The following LRP1B variants were observed in gnomAD, a reference collection of about 807,000 sequenced individuals.
The protein encoded by LRP1B is low-density lipoprotein receptor-related protein 1B.
A neutral mutation model predicts 556.6 loss-of-function variants in LRP1B; 217 were observed. The ratio of observed to expected loss-of-function variants is 0.39; its 90% CI spans 0.35 to 0.44. LRP1B has a LOEUF of 0.44. Among genes scored for constraint, LRP1B ranks in the 20% least tolerant of loss-of-function variants. LRP1B has a pLI of 1.00. For missense variants in LRP1B, 5,053 were observed against 5,620.8 expected, an observed-to-expected ratio of 0.90 and a Z score of 3.23; for synonymous variants, 2,047 against 1,865.8, an observed-to-expected ratio of 1.10 and a Z score of -2.50.
At chr2:140,826,587 TA>T (rs1372452779) in intron 31 of LRP1B, among the ~76,000 whole-genome samples, 3 of 152,074 alleles carry the variant, frequency 2.0e-5, no homozygotes, top group Admixed American at 6.5e-5. Context: ...GAACAGACAG[TA>T]AGAGAAATGG....
chr2:140,523,885 GA>G (rs1690300623), intron 49 of LRP1B, among the ~76,000 whole-genome samples: 1 of 151,828 alleles, frequency 6.6e-6, no homozygotes, highest in African/African-American at 2.4e-5. Context: ...GAAATCCTAA[GA>G]AATGCTTTTC....
At chr2:140,734,375 T>C (rs1162674282) in intron 35 of LRP1B, among the ~76,000 whole-genome samples, 1 of 152,172 alleles carries the variant, frequency 6.6e-6, no homozygotes, top group Non-Finnish European at 1.5e-5. Flanking sequence ...TGCTGTTCAT[T>C]AGAATATGAG....
intron 6 of LRP1B, among the ~76,000 whole-genome samples, chr2:141,220,913 C>A (rs990671989): frequency 7.2e-5 from 11 of 152,022 alleles, no homozygotes; most frequent in African/African-American, 9.7e-5. Flanking sequence ...TGAAGACCTC[C>A]TGAAGAAAGA....
chr2:140,887,121 T>C (rs1336468825), intron 23 of LRP1B, among the ~76,000 whole-genome samples: 2 of 152,162 alleles, frequency 1.3e-5, no homozygotes, highest in Non-Finnish European at 2.9e-5. Flanking sequence ...CAGTTATTTA[T>C]TGCACAGTAT....
At chr2:140,721,536 CTTTTTTTTTTTTTT>C (rs10616730) in intron 35 of LRP1B, among the ~76,000 whole-genome samples, 2,119 of 69,776 alleles carry the variant, frequency 0.03, 89 homozygotes, top group African/African-American at 0.11. Flanking sequence ...CAAAGATGCA[CTTTTTTTTTTTTTT>C]TTTTTTTTTT....
At chr2:140,353,164 C>G in intron 75 of LRP1B, 92 bp from the exon 76 acceptor site, 1 of 1,295,098 alleles carries the variant, frequency 7.7e-7, no homozygotes, top group East Asian at 2.4e-5. Flanking sequence ...TTATTTTTAA[C>G]TTATTACTAG....
At chr2:140,883,392 T>C (rs975465535) in intron 25 of LRP1B, among the ~76,000 whole-genome samples, 14 of 152,038 alleles carry the variant, frequency 9.2e-5, no homozygotes, top group African/African-American at 3.4e-4. Flanking sequence ...AAATAAAGGG[T>C]GAAGTGGCTA....
At chr2:141,073,738 A>G (rs957206997) in intron 7 of LRP1B, among the ~76,000 whole-genome samples, 1 of 151,900 alleles carries the variant, frequency 6.6e-6, no homozygotes, top group Non-Finnish European at 1.5e-5. Context: ...CTTCTATCCA[A>G]TGGTTTATTC....
intron 2 of LRP1B, among the ~76,000 whole-genome samples, chr2:141,647,687 A>G (rs548330397): frequency 1.9e-4 from 27 of 142,000 alleles, no homozygotes; most frequent in Admixed American, 7.6e-4. Context: ...AGTTTAGAAC[A>G]GGGAATAACC....
intron 6 of LRP1B, among the ~76,000 whole-genome samples, chr2:141,212,816 G>A (rs1000943506): frequency 2.0e-5 from 3 of 152,056 alleles, no homozygotes; most frequent in African/African-American, 2.4e-5. Context: ...TAATTGATTC[G>A]TTCTTGGAAA....
intron 6 of LRP1B, among the ~76,000 whole-genome samples, chr2:141,208,679 AAC>A (rs1352550666): frequency 6.6e-6 from 1 of 151,900 alleles, no homozygotes; most frequent in Non-Finnish European, 1.5e-5. Flanking sequence ...CATCCTGGCT[AAC>A]ACAGTGCAAC....
At chr2:141,537,408 T>C (rs189392178) in intron 2 of LRP1B, among the ~76,000 whole-genome samples, 5 of 152,230 alleles carry the variant, frequency 3.3e-5, no homozygotes, top group African/African-American at 1.2e-4. Flanking sequence ...ATGAAATAGA[T>C]TTTATTGGCT....
rs550374160 is a variant in LRP1B, at chr2:141,170,431, A to G, written c.1013+17990T>C. Among the ~76,000 whole-genome samples, 282 of 152,206 alleles carry G rather than the reference A, an allele frequency of 1.9e-3. 1 individual carries two copies. The highest frequency in any genetic ancestry group is 3.5e-3 in the Admixed American group (54 of 15,266). On this transcript the variant is annotated intron_variant, in intron 7 of 90. Transcript: ENST00000389484. ...CTTACACTGTGACTTCAGTAGTGAG[A>G]AAAAGTGCAGGCAAATAAATCCACT... is the stretch of plus-strand genomic sequence containing the variant.
chr2:140,806,771 T>G (rs571615652), intron 32 of LRP1B, among the ~76,000 whole-genome samples: 6 of 152,346 alleles, frequency 3.9e-5, no homozygotes, highest in African/African-American at 1.4e-4. Flanking sequence ...AGCTCTTTCA[T>G]GCCCCACTAA....
intron 89 of LRP1B, among the ~76,000 whole-genome samples, chr2:140,236,546 A>G (rs893221214): frequency 6.6e-6 from 1 of 150,954 alleles, no homozygotes; most frequent in Non-Finnish European, 1.5e-5. Flanking sequence ...TCATTTAGCT[A>G]TTTCCCTTAA....
chr2:141,314,740 G>A (rs553798595), intron 3 of LRP1B, among the ~76,000 whole-genome samples: 3 of 149,068 alleles, frequency 2.0e-5, no homozygotes, highest in East Asian at 4.0e-4. Flanking sequence ...GCAGTGAGCC[G>A]AGATGGCGCC....
At chr2:140,808,300 A>C (rs532299455) in intron 32 of LRP1B, among the ~76,000 whole-genome samples, 1 of 151,102 alleles carries the variant, frequency 6.6e-6, no homozygotes, top group African/African-American at 2.4e-5. Context: ...TGGAAAATTA[A>C]CCTTATCACC....
chr2:140,821,353 T>A (rs190775191), intron 31 of LRP1B, among the ~76,000 whole-genome samples: 216 of 152,326 alleles, frequency 1.4e-3, no homozygotes, highest in African/African-American at 4.2e-3. Context: ...TGTGTAATTA[T>A]AATCTTAGTT....
intron 41 of LRP1B, among the ~76,000 whole-genome samples, chr2:140,613,225 A>AAT (rs547207258): frequency 0.017 from 2,416 of 144,738 alleles, 39 homozygotes; most frequent in Middle Eastern, 0.04. Flanking sequence ...GCATTATATA[A>AAT]ATATATATAT....
Sources: allele counts gnomAD v4.1 joint callset (sites outside exome capture counted in the v4.1 genomes callset), GRCh38; gene constraint gnomAD v4.1.1; transcripts MANE v1.5; gene names NCBI Gene and HGNC (gene_info 2026-07-23, HGNC 2026-07-21).